PSD3: variants seen among roughly 807,000 people sequenced by gnomAD.
The protein encoded by PSD3 is pleckstrin and Sec7 domain containing 3.
Under a neutral mutation model 105.5 loss-of-function variants are expected in PSD3, and 49 were observed. The observed-to-expected ratio is 0.46, with a 90% confidence interval of 0.37 to 0.59. PSD3 has a LOEUF of 0.59. Ranked by LOEUF, PSD3 falls within the 20% of genes least tolerant of loss-of-function variation. The pLI is 0.00. For missense variants in PSD3, 1,561 were observed against 1,263.8 expected (o/e 1.24, Z -3.57); for synonymous variants, 557 against 457.8 (o/e 1.22, Z -2.77).
chr8:19,047,188 G>A (rs960772538), intron 1 of PSD3, among the ~76,000 whole-genome samples: 1 of 152,190 alleles, frequency 6.6e-6, no homozygotes, highest in African/African-American at 2.4e-5. Context: ...CCACTCAGCT[G>A]TTGATTTGCT....
intron 2 of PSD3, among the ~76,000 whole-genome samples, chr8:18,874,384 C>A (rs1817596510): frequency 6.6e-6 from 1 of 151,858 alleles, no homozygotes; most frequent in South Asian, 2.1e-4. Context: ...CCAGGATGGT[C>A]TCGATGTCTT....
At chr8:18,828,067 A>ATATATTTT (rs371473289) in intron 4 of PSD3, among the ~76,000 whole-genome samples, 21 of 118,878 alleles carry the variant, frequency 1.8e-4, no homozygotes, top group African/African-American at 7.4e-4. Context: ...ATATATATAT[A>ATATATTTT]TTTTTTTTTT....
chr8:18,916,734 C>T (rs566735300), intron 2 of PSD3, among the ~76,000 whole-genome samples: 60 of 151,638 alleles, frequency 4.0e-4, no homozygotes, highest in Middle Eastern at 3.4e-3. Flanking sequence ...CTTAAATGTT[C>T]CCACCACAAA....
At chr8:18,723,876 C>T (rs1435208927) in intron 9 of PSD3, among the ~76,000 whole-genome samples, 4 of 152,168 alleles carry the variant, frequency 2.6e-5, no homozygotes, top group Non-Finnish European at 5.9e-5. Flanking sequence ...TTTTAAATCT[C>T]TCATGTTTCC....
intron 1 of PSD3, among the ~76,000 whole-genome samples, chr8:18,991,738 G>C (rs974252052): frequency 2.6e-5 from 4 of 152,144 alleles, no homozygotes; most frequent in African/African-American, 9.7e-5. Context: ...GAGCTCTAAA[G>C]TAAAAATAAA....
At chr8:18,682,084 C>A (rs555182665) in intron 9 of PSD3, among the ~76,000 whole-genome samples, 1 of 151,902 alleles carries the variant, frequency 6.6e-6, no homozygotes, top group Non-Finnish European at 1.5e-5. Flanking sequence ...GTGACAAACA[C>A]AGAGGACAGT....
At chr8:18,852,735 T>C (rs1311067852) in intron 4 of PSD3, among the ~76,000 whole-genome samples, 1 of 152,202 alleles carries the variant, frequency 6.6e-6, no homozygotes, top group Non-Finnish European at 1.5e-5. Flanking sequence ...AGTGTGAGCT[T>C]GCCCACAACT....
intron 1 of PSD3, among the ~76,000 whole-genome samples, chr8:19,082,301 A>C (rs1014724939): frequency 2.6e-5 from 4 of 152,090 alleles, no homozygotes; most frequent in African/African-American, 9.7e-5. Flanking sequence ...CTCTGACTCC[A>C]TGGGTTCCCT....
chr8:18,578,798 A>G (rs1442523108), intron 12 of PSD3, among the ~76,000 whole-genome samples: 3 of 152,050 alleles, frequency 2.0e-5, no homozygotes, highest in Non-Finnish European at 4.4e-5. Context: ...AGTAATTGTC[A>G]CCTTGGAAGA....
At chr8:19,022,569 T>C (rs1827397918) in intron 1 of PSD3, among the ~76,000 whole-genome samples, 1 of 152,210 alleles carries the variant, frequency 6.6e-6, no homozygotes, top group South Asian at 2.1e-4. Context: ...GTCAACCCTC[T>C]CACTCTAGGT....
At chr8:19,082,881 T>C (rs1350880235) in intron 1 of PSD3, among the ~76,000 whole-genome samples, 1 of 152,216 alleles carries the variant, frequency 6.6e-6, no homozygotes, top group Non-Finnish European at 1.5e-5. Context: ...TAAGGAAGCA[T>C]GCTAGCATCT....
At position 18,680,293 on chromosome 8, in the gene PSD3, C is replaced by A. The variant is rs374243032; in HGVS notation, c.2173-24608G>T. ...TCCATATCCATGGGTTTTGAAACCC[C>A]AAGGGTACCCGAATACCCGGGGCTG... On this transcript the variant is annotated intron_variant, in intron 9 of 15. Coordinates refer to ENST00000327040, the MANE Select transcript of PSD3 (RefSeq NM_015310.4). 4.6e-5 allele frequency among the ~76,000 whole-genome samples: 7 copies of A among 152,148 alleles called. No individual in the cohort carries two copies. In the East Asian group the frequency reaches 7.7e-4, roughly 17 times the overall value.
intron 15 of PSD3, among the ~76,000 whole-genome samples, chr8:18,553,712 T>C (rs1460207100): frequency 6.6e-6 from 1 of 152,200 alleles, no homozygotes; most frequent in East Asian, 1.9e-4. Flanking sequence ...ATGACTTCAA[T>C]GTTAATTTAA....
chr8:18,625,913 T>C (rs1806440082), intron 11 of PSD3, among the ~76,000 whole-genome samples: 1 of 145,064 alleles, frequency 6.9e-6, no homozygotes, highest in Non-Finnish European at 1.5e-5. Flanking sequence ...CATTTATATT[T>C]TGGGTATGTT....
At chr8:18,559,202 C>T (rs1801250584) in intron 14 of PSD3, among the ~76,000 whole-genome samples, 1 of 152,156 alleles carries the variant, frequency 6.6e-6, no homozygotes, top group South Asian at 2.1e-4. Flanking sequence ...TGACTGTTTT[C>T]TAAAGTGTTT....
chr8:18,558,555 C>T (rs1288364206), intron 14 of PSD3, among the ~76,000 whole-genome samples: 1 of 152,032 alleles, frequency 6.6e-6, no homozygotes, highest in Non-Finnish European at 1.5e-5. Context: ...GTGTGGGGTG[C>T]CTCACGCCTG....
intron 11 of PSD3, among the ~76,000 whole-genome samples, chr8:18,615,247 T>A (rs1805572863): frequency 6.6e-6 from 1 of 152,106 alleles, no homozygotes. Flanking sequence ...CCACCCTAAC[T>A]CATTCCAATT....
intron 2 of PSD3, among the ~76,000 whole-genome samples, chr8:18,899,582 GA>G (rs931756155): frequency 6.6e-6 from 1 of 151,998 alleles, no homozygotes; most frequent in Non-Finnish European, 1.5e-5. Flanking sequence ...CTGAATTAGA[GA>G]TACTGTGTTT....
chr8:18,804,623 C>G (rs770463807), intron 5 of PSD3, 21 bp from the exon 6 acceptor site: 3 of 1,610,994 alleles, frequency 1.9e-6, no homozygotes, highest in Non-Finnish European at 2.5e-6. Flanking sequence ...ACAGAATAGA[C>G]TTGGTTATTG....
Sources: allele counts gnomAD v4.1 joint callset (sites outside exome capture counted in the v4.1 genomes callset), GRCh38; gene constraint gnomAD v4.1.1; transcripts MANE v1.5; gene names NCBI Gene and HGNC (gene_info 2026-07-23, HGNC 2026-07-21).